ARHGAP24: variants seen among roughly 807,000 people sequenced by gnomAD.
The protein encoded by ARHGAP24 is rho GTPase-activating protein 24.
In ARHGAP24, 50 loss-of-function variants were observed where a neutral mutation model predicts 76.4. That is an observed-to-expected ratio of 0.65 (90% confidence interval 0.52 to 0.83). The LOEUF is 0.83. Ranked by LOEUF, ARHGAP24 falls within the 40% of genes least tolerant of loss-of-function variation. The pLI is 0.00. For synonymous variants in ARHGAP24, 345 were observed against 323.3 expected (o/e 1.07, Z -0.72); for missense variants, 930 against 914.2 (o/e 1.02, Z -0.22).
intron 2 of ARHGAP24, among the ~76,000 whole-genome samples, chr4:85,624,577 G>C (rs1311475641): frequency 6.6e-6 from 1 of 152,174 alleles, no homozygotes; most frequent in Non-Finnish European, 1.5e-5. Flanking sequence ...CCCAGCTTTG[G>C]TATCAGGATG....
intron 1 of ARHGAP24, among the ~76,000 whole-genome samples, chr4:85,533,455 G>A (rs917453180): frequency 6.6e-6 from 1 of 151,956 alleles, no homozygotes; most frequent in Non-Finnish European, 1.5e-5. Context: ...TATTTTACTT[G>A]ACATGCATTC....
At chr4:85,941,809 C>T (rs936149551) in intron 4 of ARHGAP24, among the ~76,000 whole-genome samples, 1 of 152,072 alleles carries the variant, frequency 6.6e-6, no homozygotes, top group African/African-American at 2.4e-5. Flanking sequence ...ATTTCAAAAT[C>T]GATATCTCAA....
intron 7 of ARHGAP24, among the ~76,000 whole-genome samples, chr4:85,976,244 T>A (rs2148855271): frequency 6.6e-6 from 1 of 152,364 alleles, no homozygotes; most frequent in Non-Finnish European, 1.5e-5. Context: ...CCTTCAGTGT[T>A]ACTATAGTTT....
In ARHGAP24 at chr4:85,564,320, G is replaced by A. The variant is rs190268145; in HGVS notation, c.-20-6202G>A. Reference sequence around the variant, plus strand: ...AAAAAAACAAGCACTGTATGTTCTCGCTCATAGGTGGGAATTGAGCAATGA... The same window carrying A: ...AAAAAAACAAGCACTGTATGTTCTCACTCATAGGTGGGAATTGAGCAATGA... On this transcript the variant is annotated intron_variant, in intron 1 of 9. Transcript: ENST00000395184. Among the ~76,000 whole-genome samples the A allele has an allele frequency of 3.0e-3, 450 of 150,862 alleles. 1 individual carries two copies. The highest frequency in any genetic ancestry group is 0.01 in the African/African-American group (411 of 40,800).
chr4:85,671,034 C>G (rs73835513), intron 2 of ARHGAP24, among the ~76,000 whole-genome samples: 4,173 of 152,258 alleles, frequency 0.027, 182 homozygotes, highest in African/African-American at 0.095. Flanking sequence ...AACTGACCTA[C>G]GAGATAAATC....
At position 86,002,513 on chromosome 4, in the gene ARHGAP24, A is replaced by C. The variant is rs2148878284; in HGVS notation, c.*1791A>C. The C allele has an allele frequency of 6.6e-6, 1 of 151,342 alleles. No homozygotes were observed. Among genetic ancestry groups the C allele is most frequent in the East Asian group, 1.9e-4 (1 of 5,154 alleles). 9.4% of individuals were successfully genotyped at this position (151,342 alleles called of 1,614,324 possible). On this transcript the variant is annotated 3_prime_UTR_variant, in exon 10 of 10. Coordinates refer to ENST00000395184, the MANE Select transcript of ARHGAP24 (RefSeq NM_001025616.3). ...CATAGTTGATAAAAACCTCAGACTC[A>C]TCCAGAAAGCTATATGATGCACTAG...
chr4:85,631,845 T>G (rs1364269512), intron 2 of ARHGAP24, among the ~76,000 whole-genome samples: 2 of 152,102 alleles, frequency 1.3e-5, no homozygotes, highest in Non-Finnish European at 2.9e-5. Context: ...ACTATTGTGA[T>G]ACAGAAAACT....
chr4:85,826,989 T>C (rs1452518152), intron 3 of ARHGAP24, among the ~76,000 whole-genome samples: 2 of 152,172 alleles, frequency 1.3e-5, no homozygotes, highest in Non-Finnish European at 1.5e-5. Context: ...TCTAAGAAGA[T>C]CAAAATATGA....
intron 3 of ARHGAP24, among the ~76,000 whole-genome samples, chr4:85,850,097 A>AATTTTTTATT (rs1484122297): frequency 2.6e-5 from 4 of 152,046 alleles, no homozygotes; most frequent in Admixed American, 2.6e-4. Flanking sequence ...TTTGGTTGGT[A>AATTTTTTATT]GGCTATTAAT....
chr4:85,595,748 A>G (rs1719806136), intron 2 of ARHGAP24, among the ~76,000 whole-genome samples: 1 of 152,126 alleles, frequency 6.6e-6, no homozygotes, highest in African/African-American at 2.4e-5. Flanking sequence ...TCCCAAAGAT[A>G]GGTGTAGCAT....
At chr4:85,888,719 G>A (rs912175522) in intron 3 of ARHGAP24, among the ~76,000 whole-genome samples, 1 of 151,920 alleles carries the variant, frequency 6.6e-6, no homozygotes, top group Non-Finnish European at 1.5e-5. Flanking sequence ...TACTTCATCA[G>A]CCAGTTATTA....
chr4:85,922,715 G>A (rs1345870614), intron 3 of ARHGAP24, among the ~76,000 whole-genome samples: 1 of 152,092 alleles, frequency 6.6e-6, no homozygotes, highest in African/African-American at 2.4e-5. Flanking sequence ...AACATAAAAG[G>A]TATAACGAAA....
chr4:85,534,749 C>T (rs188115070), intron 1 of ARHGAP24, among the ~76,000 whole-genome samples: 25 of 152,092 alleles, frequency 1.6e-4, no homozygotes, highest in Non-Finnish European at 3.2e-4. Flanking sequence ...TTCAGACAGA[C>T]GCTTCGTCAC....
chr4:85,488,027 T>G (rs986384902), intron 1 of ARHGAP24, among the ~76,000 whole-genome samples: 6 of 150,036 alleles, frequency 4.0e-5, no homozygotes, highest in Admixed American at 6.8e-5. Flanking sequence ...TGCCTCATCC[T>G]CCTGAGTAGC....
chr4:85,861,797 C>T (rs570522878), intron 3 of ARHGAP24, among the ~76,000 whole-genome samples: 2 of 152,034 alleles, frequency 1.3e-5, no homozygotes, highest in South Asian at 2.1e-4. Flanking sequence ...GAAAGATCCC[C>T]GCATGAGCCT....
At chr4:85,610,912 TA>T (rs1280295754) in intron 2 of ARHGAP24, among the ~76,000 whole-genome samples, 1 of 152,116 alleles carries the variant, frequency 6.6e-6, no homozygotes, top group African/African-American at 2.4e-5. Context: ...TTTCTACAGA[TA>T]TGAAAGAAAT....
At chr4:85,497,032 C>T (rs1004817237) in intron 1 of ARHGAP24, among the ~76,000 whole-genome samples, 3 of 152,140 alleles carry the variant, frequency 2.0e-5, no homozygotes, top group African/African-American at 7.2e-5. Flanking sequence ...TGGCAAATGC[C>T]CCGAGTTTAG....
intron 3 of ARHGAP24, among the ~76,000 whole-genome samples, chr4:85,808,997 C>T (rs930605512): frequency 1.3e-5 from 2 of 152,052 alleles, no homozygotes; most frequent in African/African-American, 4.8e-5. Flanking sequence ...ACAATTCCTC[C>T]CACCTTTCAT....
At chr4:85,765,261 T>A (rs953961918) in intron 3 of ARHGAP24, among the ~76,000 whole-genome samples, 3 of 152,170 alleles carry the variant, frequency 2.0e-5, no homozygotes, top group African/African-American at 7.2e-5. Flanking sequence ...AATAATTTTA[T>A]GGTTTGTGAA....
Sources: gnomAD v4.1 joint callset for allele counts (sites outside exome capture counted in the v4.1 genomes callset) on GRCh38, gnomAD v4.1.1 for gene constraint, MANE v1.5 for transcripts, NCBI Gene and HGNC (gene_info 2026-07-23, HGNC 2026-07-21) for gene names.